The following EPHA3 variants were observed in gnomAD, a reference collection of about 807,000 sequenced individuals.
EPHA3 encodes EPH receptor A3, also known as ephrin type-A receptor 3.
In EPHA3, 42 loss-of-function variants were observed where a neutral mutation model predicts 107.1. The ratio of observed to expected loss-of-function variants is 0.39; its 90% CI spans 0.31 to 0.51. EPHA3 has a LOEUF of 0.51. EPHA3 is among the 20% of genes least tolerant of loss of function. The pLI, the probability that EPHA3 is intolerant of heterozygous loss-of-function variation, is 0.78. For missense variants in EPHA3, 1,183 were observed against 1,211.2 expected (o/e 0.98, Z 0.35); for synonymous variants, 461 against 424.8 (o/e 1.09, Z -1.05).
intron 3 of EPHA3, among the ~76,000 whole-genome samples, chr3:89,327,657 G>A (rs1173433069): frequency 1.3e-5 from 2 of 152,010 alleles, no homozygotes; most frequent in African/African-American, 4.8e-5. Flanking sequence ...TGCAGTTGGG[G>A]GACAGTATGG....
chr3:89,110,090 A>G (rs979372308), intron 1 of EPHA3, among the ~76,000 whole-genome samples: 7 of 151,980 alleles, frequency 4.6e-5, no homozygotes, highest in African/African-American at 1.7e-4. Flanking sequence ...TTGAAAATGT[A>G]TATATGAGAG....
intron 5 of EPHA3, among the ~76,000 whole-genome samples, chr3:89,346,144 G>T (rs1251990805): frequency 1.7e-5 from 2 of 116,712 alleles, no homozygotes; most frequent in Non-Finnish European, 3.6e-5. Flanking sequence ...GTAATGGGAT[G>T]GCTGGGTCAA....
At chr3:89,285,088 A>G (rs1342591536) in intron 3 of EPHA3, among the ~76,000 whole-genome samples, 4 of 152,132 alleles carry the variant, frequency 2.6e-5, no homozygotes, top group Non-Finnish European at 5.9e-5. Context: ...ATGCCACTGC[A>G]CTCCAGCTTG....
At chr3:89,437,419 G>A (rs1709694405) in intron 13 of EPHA3, among the ~76,000 whole-genome samples, 2 of 151,110 alleles carry the variant, frequency 1.3e-5, no homozygotes, top group Admixed American at 1.3e-4. Context: ...AAGAAGTTTT[G>A]TGTCTGAAAA....
At chr3:89,253,953 A>T (rs1174969353) in intron 3 of EPHA3, among the ~76,000 whole-genome samples, 2 of 152,058 alleles carry the variant, frequency 1.3e-5, no homozygotes, top group African/African-American at 2.4e-5. Context: ...GGCATAAAAA[A>T]ATCAGAAAAC....
At chr3:89,278,964 A>G (rs1299763825) in intron 3 of EPHA3, among the ~76,000 whole-genome samples, 2 of 152,202 alleles carry the variant, frequency 1.3e-5, no homozygotes, top group Non-Finnish European at 2.9e-5. Context: ...TATGCATTCA[A>G]CTTACTTGCT....
At chr3:89,152,749 T>G (rs1186983412) in intron 2 of EPHA3, among the ~76,000 whole-genome samples, 1 of 152,116 alleles carries the variant, frequency 6.6e-6, no homozygotes, top group Non-Finnish European at 1.5e-5. Context: ...CAAAAATGAC[T>G]GTGAAAAATC....
At chr3:89,355,887 A>G (rs1216081424) in intron 5 of EPHA3, among the ~76,000 whole-genome samples, 1 of 149,796 alleles carries the variant, frequency 6.7e-6, no homozygotes, top group Non-Finnish European at 1.5e-5. Context: ...CAATGTGCAG[A>G]TTAGTTACAT....
rs1292260334 is a variant in EPHA3, at chr3:89,383,305, G to T, written c.1307-12532G>T. Among the ~76,000 whole-genome samples, 5 of 152,280 alleles carry T rather than the reference G, an allele frequency of 3.3e-5. No individual in the cohort carries two copies. In the East Asian group the frequency reaches 9.7e-4, roughly 29 times the overall value. On this transcript the variant is annotated intron_variant, in intron 5 of 16. Coordinates refer to ENST00000336596, the MANE Select transcript of EPHA3 (RefSeq NM_005233.6). ...TATCCTATGCTTGGGCACAGCACATGAGCCAAACAACCCAAGAATAGCCTT... is the reference window on the plus strand; with the variant it reads ...TATCCTATGCTTGGGCACAGCACATTAGCCAAACAACCCAAGAATAGCCTT...
At chr3:89,121,263 A>T (rs1025865012) in intron 1 of EPHA3, among the ~76,000 whole-genome samples, 2 of 146,090 alleles carry the variant, frequency 1.4e-5, no homozygotes, top group African/African-American at 2.5e-5. Context: ...AATAAATAAA[A>T]TAAATTATTA....
At chr3:89,249,879 A>G (rs1454604494) in intron 3 of EPHA3, among the ~76,000 whole-genome samples, 3 of 152,208 alleles carry the variant, frequency 2.0e-5, no homozygotes, top group Non-Finnish European at 2.9e-5. Flanking sequence ...ATTTCTTACT[A>G]TAACAACCAC....
At chr3:89,443,180 T>G (rs1413775881) in intron 13 of EPHA3, among the ~76,000 whole-genome samples, 1 of 152,202 alleles carries the variant, frequency 6.6e-6, no homozygotes, top group African/African-American at 2.4e-5. Context: ...AATTGTATTT[T>G]TAGGTTGGTG....
chr3:89,186,671 T>C (rs1705575573), intron 2 of EPHA3, among the ~76,000 whole-genome samples: 1 of 152,172 alleles, frequency 6.6e-6, no homozygotes, highest in Admixed American at 6.5e-5. Context: ...AAGTGCCATG[T>C]TGAATACAGC....
chr3:89,447,931 C>T (rs1709908633), intron 13 of EPHA3, among the ~76,000 whole-genome samples: 1 of 152,088 alleles, frequency 6.6e-6, no homozygotes, highest in Non-Finnish European at 1.5e-5. Context: ...CTATGAGGTC[C>T]GATAGAAATC....
intron 15 of EPHA3, among the ~76,000 whole-genome samples, chr3:89,471,743 A>G (rs1191194721): frequency 2.6e-5 from 4 of 151,424 alleles, no homozygotes; most frequent in African/African-American, 9.7e-5. Flanking sequence ...GTGTGTGTGT[A>G]TGTGTGTGTG....
chr3:89,280,073 G>A (rs1705904732), intron 3 of EPHA3, among the ~76,000 whole-genome samples: 1 of 151,738 alleles, frequency 6.6e-6, no homozygotes, highest in Non-Finnish European at 1.5e-5. Context: ...TCATGCACAT[G>A]TCAGAGATGG....
chr3:89,341,704 T>A (rs1707525571), intron 4 of EPHA3, 51 bp from the exon 5 acceptor site: 1 of 1,373,704 alleles, frequency 7.3e-7, no homozygotes, highest in African/African-American at 1.4e-5. Flanking sequence ...ATTTCCCTTG[T>A]AGTAGAAAAC....
rs945836794 is a variant in EPHA3, at chr3:89,313,441, A to G, written c.815-27475A>G. Reference sequence around the variant, plus strand: ...TTTCCTTTAATCTTTTGTTTTTGTTACACTGTTAGTTTAACAAAATGATTA... The same window carrying G: ...TTTCCTTTAATCTTTTGTTTTTGTTGCACTGTTAGTTTAACAAAATGATTA... On this transcript the variant is annotated intron_variant, in intron 3 of 16. Transcript: ENST00000336596. Among the ~76,000 whole-genome samples, 4 of 151,784 alleles carry G rather than the reference A, an allele frequency of 2.6e-5. No individual in the cohort carries two copies. In the South Asian group the frequency reaches 8.3e-4, roughly 32 times the overall value.
chr3:89,448,678 A>G (rs577639382), intron 13 of EPHA3, among the ~76,000 whole-genome samples: 4 of 152,320 alleles, frequency 2.6e-5, no homozygotes, highest in East Asian at 1.9e-4. Flanking sequence ...AAATTAATCA[A>G]GATGATTATT....
Sources: gnomAD v4.1 joint callset for allele counts (sites outside exome capture counted in the v4.1 genomes callset) on GRCh38, gnomAD v4.1.1 for gene constraint, MANE v1.5 for transcripts, NCBI Gene and HGNC (gene_info 2026-07-23, HGNC 2026-07-21) for gene names.